Variants in INPP5D observed in about 807,000 individuals in gnomAD.
INPP5D encodes inositol polyphosphate-5-phosphatase D, also known as phosphatidylinositol 3,4,5-trisphosphate 5-phosphatase 1.
INPP5D carries 33 observed loss-of-function variants against 122.9 expected under a neutral mutation model. That is an observed-to-expected ratio of 0.27 (90% CI 0.20 to 0.36). The LOEUF is 0.36. Among genes scored for constraint, INPP5D ranks in the 10% least tolerant of loss-of-function variants. The probability of loss-of-function intolerance (pLI) is 1.00; values close to 1 mark genes in which losing one functional copy is unlikely to be tolerated. For synonymous variants in INPP5D, 584 were observed against 576.2 expected (o/e 1.01, Z -0.19); for missense variants, 1,053 against 1,412.7 (o/e 0.75, Z 4.08).
chr2:233,121,056 A>C (rs904713767), intron 2 of INPP5D, among the ~76,000 whole-genome samples: 5 of 152,000 alleles, frequency 3.3e-5, no homozygotes, highest in Non-Finnish European at 7.4e-5. Flanking sequence ...ACACATTCTA[A>C]ACTGGAAAAT....
chr2:233,135,982 C>A (rs1693455906), intron 5 of INPP5D, among the ~76,000 whole-genome samples: 1 of 152,198 alleles, frequency 6.6e-6, no homozygotes, highest in Non-Finnish European at 1.5e-5. Flanking sequence ...CTAGCCACAA[C>A]CACCCAATTA....
rs1694455365 is a variant in INPP5D, at chr2:233,170,184, G to A, written c.1791+20G>A. On this transcript the variant is annotated intron_variant, in intron 15 of 26. Transcript: ENST00000445964. This position sits in a 1 kb window ranked among gnomAD's most constrained non-coding sequence, Gnocchi z 4.5. ...ACCTGGGTAAGGGCTGCCCGCCTGG[G>A]GCTGGGGCTGGGGCTGTATGAGATG... The A allele has an allele frequency of 5.6e-6, 9 of 1,607,396 alleles. No individual in the cohort carries two copies. The highest frequency in any genetic ancestry group is 7.6e-6 in the Non-Finnish European group (9 of 1,176,634).
At chr2:233,180,340 T>C (rs768168271) in intron 18 of INPP5D, among the ~76,000 whole-genome samples, 14 of 151,612 alleles carry the variant, frequency 9.2e-5, no homozygotes, top group Non-Finnish European at 7.4e-5. Context: ...TCAGTACATA[T>C]CTGAAATATT....
chr2:233,189,450 T>G lies in INPP5D; in HGVS notation c.2359-400T>G, dbSNP rs1417141420. Among the ~76,000 whole-genome samples the G allele has an allele frequency of 6.6e-6, 1 of 152,042 alleles. No individual in the cohort carries two copies. Among genetic ancestry groups the G allele is most frequent in the African/African-American group, 2.4e-5 (1 of 41,386 alleles). On this transcript the variant is annotated intron_variant, in intron 21 of 26. Coordinates refer to ENST00000445964, the MANE Select transcript of INPP5D (RefSeq NM_001017915.3). This position sits in a 1 kb window ranked among gnomAD's most constrained non-coding sequence, Gnocchi z 5.6. ...TCTGTAGGGGGAGCCTGGCGCAGGG[T>G]GGAGTGCATGGATCATTCCAGACCT...
At chr2:233,152,911 T>C (rs1015963263) in intron 9 of INPP5D, among the ~76,000 whole-genome samples, 1 of 152,142 alleles carries the variant, frequency 6.6e-6, no homozygotes, top group African/African-American at 2.4e-5. Context: ...CTCTGGCTGC[T>C]GTACTGAGAA....
At chr2:233,083,173 A>G (rs555804119) in intron 2 of INPP5D, among the ~76,000 whole-genome samples, 1 of 152,336 alleles carries the variant, frequency 6.6e-6, no homozygotes, top group East Asian at 1.9e-4. Flanking sequence ...AAACTGCTGG[A>G]AAGTAGAGAT....
intron 2 of INPP5D, among the ~76,000 whole-genome samples, chr2:233,079,655 G>C (rs945472158): frequency 6.6e-6 from 1 of 152,168 alleles, no homozygotes; most frequent in Non-Finnish European, 1.5e-5. Context: ...GGAAACGAAG[G>C]TGAAGCAGAC....
intron 17 of INPP5D, among the ~76,000 whole-genome samples, chr2:233,174,275 G>A (rs557181603): frequency 6.6e-6 from 1 of 152,390 alleles, no homozygotes; most frequent in East Asian, 1.9e-4. Context: ...TGGCAGTGCA[G>A]TGGGCTGGTT....
chr2:233,096,611 C>G (rs541369055), intron 2 of INPP5D, among the ~76,000 whole-genome samples: 1 of 152,296 alleles, frequency 6.6e-6, no homozygotes, highest in East Asian at 1.9e-4. Context: ...GAGATCACAC[C>G]ACTGCACTCC....
intron 2 of INPP5D, among the ~76,000 whole-genome samples, chr2:233,094,790 TG>T (rs1380279548): frequency 6.6e-6 from 1 of 152,064 alleles, no homozygotes; most frequent in East Asian, 1.9e-4. Flanking sequence ...ATGTGTGGGT[TG>T]GGGGAATGGC....
At chr2:233,155,623 AAAATAAATAAAT>A (rs1189446853) in intron 9 of INPP5D, among the ~76,000 whole-genome samples, 4 of 101,576 alleles carry the variant, frequency 3.9e-5, no homozygotes, top group African/African-American at 1.4e-4. Flanking sequence ...TCCATCTCAA[AAAATAAATAAAT>A]AAATAAATAA....
chr2:233,096,713 T>C (rs1441032673), intron 2 of INPP5D, among the ~76,000 whole-genome samples: 1 of 152,196 alleles, frequency 6.6e-6, no homozygotes, highest in African/African-American at 2.4e-5. Flanking sequence ...TCTTTTCCTG[T>C]CAATTGCCTA....
rs568012678 is a variant in INPP5D at position 233,186,514 on chromosome 2, G to GTT, written c.2358+592_2358+593dup. Among the ~76,000 whole-genome samples, 83 of 151,950 alleles carry GTT rather than the reference G, an allele frequency of 5.5e-4. 1 individual carries two copies. The South Asian group carries it at 0.017, about 31-fold the overall frequency. On this transcript the variant is annotated intron_variant, in intron 21 of 26. Coordinates refer to ENST00000445964, the MANE Select transcript of INPP5D (RefSeq NM_001017915.3). The stretch of plus-strand genomic sequence containing the variant: ...ATTCTTCTTTGCTATAGAAAAAATG[G>GTT]TTTTCTGGCCTGGTGTGGTGGCTCA...
intron 1 of INPP5D, among the ~76,000 whole-genome samples, chr2:233,070,103 C>T (rs749818858): frequency 6.6e-6 from 1 of 152,172 alleles, no homozygotes. Context: ...GTTATTGACC[C>T]TCATAATCCC....
At chr2:233,179,831 A>G (rs1694738888) in intron 18 of INPP5D, among the ~76,000 whole-genome samples, 1 of 152,220 alleles carries the variant, frequency 6.6e-6, no homozygotes, top group Admixed American at 6.5e-5. Flanking sequence ...TCTTCTCATG[A>G]CAATTAACAT....
chr2:233,110,088 G>A (rs1270621816), intron 2 of INPP5D, among the ~76,000 whole-genome samples: 1 of 142,982 alleles, frequency 7.0e-6, no homozygotes, highest in African/African-American at 2.6e-5. Context: ...GTCTCACTCT[G>A]TCACCCAGAC....
rs1227786634 is a variant in INPP5D, at chr2:233,177,660, A to G, written c.2071+314A>G. ...ATGATCTCATCTCACCACAACTTCT[A>G]CCTCCTGGGTTCAAGCGATTCTCGT... is the stretch of plus-strand genomic sequence containing the variant. On this transcript the variant is annotated intron_variant, in intron 18 of 26. Coordinates refer to ENST00000445964, the MANE Select transcript of INPP5D (RefSeq NM_001017915.3). The surrounding 1 kb of genome is among the most constrained non-coding windows in gnomAD (Gnocchi z 4.2). 6.6e-6 allele frequency among the ~76,000 whole-genome samples: 1 copy of G among 151,910 alleles called. No individual in the cohort carries two copies. The highest frequency in any genetic ancestry group is 1.9e-4 in the East Asian group (1 of 5,184).
intron 6 of INPP5D, among the ~76,000 whole-genome samples, chr2:233,142,697 C>A (rs989272299): frequency 6.6e-6 from 1 of 152,116 alleles, no homozygotes; most frequent in Admixed American, 6.6e-5. Flanking sequence ...GGTTAACCTG[C>A]CTTGGCGCCC....
At position 233,198,274 on chromosome 2, in the gene INPP5D, G is replaced by A. The variant is rs550559185; in HGVS notation, c.2873G>A (p.Gly958Glu). Residue 958 changes from glycine to glutamate, a missense_variant, in exon 25 of 27, where the codon GGA becomes GAA. Physicochemically the swap from Gly to Glu is moderately conservative, Grantham distance 98. This residue lies in a region of INPP5D where 417 missense variants were observed against 425.8 expected (regional missense o/e 0.98). Transcript: ENST00000445964. ...PKDSPLGPCR[G>E]ESPPTPPGQP... is the part of the protein sequence containing the mutation. ...GACTCCCCGCTGGGGCCCTGCAGGG[G>A]AGAAAGTCCTCCGACACCTCCCGGC... 6.2e-7 allele frequency: 1 copy of A among 1,613,514 alleles called. No individual in the cohort carries two copies. The highest frequency in any genetic ancestry group is 1.3e-5 in the African/African-American group (1 of 75,032).
Sources: allele counts gnomAD v4.1 joint callset (sites outside exome capture counted in the v4.1 genomes callset), GRCh38; gene constraint gnomAD v4.1.1; regional missense constraint gnomAD v4.1.1; non-coding constraint Gnocchi (gnomAD v3.1); transcripts MANE v1.5; gene names NCBI Gene and HGNC (gene_info 2026-07-23, HGNC 2026-07-21).